The following ANK3 variants were observed in gnomAD, a reference collection of about 807,000 sequenced individuals.
The protein encoded by ANK3 is ankyrin-3.
Under a neutral mutation model 370.9 loss-of-function variants are expected in ANK3, and 57 were observed. That is an observed-to-expected ratio of 0.15 (90% CI 0.12 to 0.19). ANK3 has a LOEUF of 0.19. ANK3 is among the 10% of genes least tolerant of loss of function. The pLI is 1.00. For synonymous variants in ANK3, 1,929 were observed against 1,946.3 expected (o/e 0.99, Z 0.23); for missense variants, 4,439 against 5,302.1 (o/e 0.84, Z 5.06).
intron 2 of ANK3, chr10:60,572,728 C>G (rs1233752539): frequency 5.8e-6 from 8 of 1,369,274 alleles, no homozygotes; most frequent in Non-Finnish European, 7.5e-6. Context: ...CAGCTTTCCT[C>G]AGGAAGAAAC....
intron 1 of ANK3, among the ~76,000 whole-genome samples, chr10:60,647,352 G>A (rs933713137): frequency 6.6e-6 from 1 of 152,028 alleles, no homozygotes. Context: ...GCCAAATTGC[G>A]GCTGCAATAC....
chr10:60,262,606 C>A (rs559172590), intron 6 of ANK3, among the ~76,000 whole-genome samples: 3 of 152,284 alleles, frequency 2.0e-5, no homozygotes, highest in South Asian at 2.1e-4. Context: ...AAGATTGAAA[C>A]CTTATAGGAA....
intron 2 of ANK3, among the ~76,000 whole-genome samples, chr10:60,401,414 T>C (rs1188796321): frequency 6.6e-6 from 1 of 152,142 alleles, no homozygotes. Flanking sequence ...AAAATAAAAT[T>C]TTAAAACTGC....
At chr10:60,545,547 G>T (rs140628127) in intron 2 of ANK3, among the ~76,000 whole-genome samples, 25 of 151,590 alleles carry the variant, frequency 1.6e-4, no homozygotes, top group African/African-American at 5.8e-4. Flanking sequence ...AATTCTAGAA[G>T]CCTTCAAGCC....
At chr10:60,675,271 A>ATTT (rs748320247) in intron 1 of ANK3, among the ~76,000 whole-genome samples, 45 of 152,222 alleles carry the variant, frequency 3.0e-4, no homozygotes, top group Non-Finnish European at 5.4e-4. Context: ...TAGCCTACAT[A>ATTT]TTTATCCTAT....
At position 60,679,294 on chromosome 10, in the gene ANK3, C is replaced by T. The variant is rs143037572; in HGVS notation, c.57+53969G>A. Among the ~76,000 whole-genome samples, 266 of 152,206 alleles carry T rather than the reference C, an allele frequency of 1.7e-3. 1 individual carries two copies. The highest frequency in any genetic ancestry group is 6.2e-3 in the African/African-American group (258 of 41,504). On this transcript the variant is annotated intron_variant, in intron 1 of 43. Transcript: ENST00000373827. ...ACATAAGCAGGGCAGGAGAGGGCCC[C>T]CCTCCCACCAGGAATGTCAGGCAAC...
chr10:60,095,280 A>G (rs143324619), intron 28 of ANK3, among the ~76,000 whole-genome samples: 1 of 152,372 alleles, frequency 6.6e-6, no homozygotes, highest in African/African-American at 2.4e-5. Flanking sequence ...CTGGGAATCA[A>G]TGAGACTCAG....
intron 31 of ANK3, 105 bp from the exon 32 acceptor site, chr10:60,084,935 A>C: frequency 1.1e-6 from 1 of 877,812 alleles, no homozygotes; most frequent in Non-Finnish European, 1.7e-6. Flanking sequence ...GAACTAACCC[A>C]AAACGTTATT....
At chr10:60,313,928 G>GTTTTTTTTTTTTTTTTTTTTTTTGT (rs760802914) in intron 1 of ANK3, among the ~76,000 whole-genome samples, 1 of 132,124 alleles carries the variant, frequency 7.6e-6, no homozygotes, top group Non-Finnish European at 1.6e-5. Flanking sequence ...TTTTGTTTTT[G>GTTTTTTTTTTTTTTTTTTTTTTTGT]TTTTTTTTTT....
chr10:60,362,967 T>C (rs935518792), intron 1 of ANK3, among the ~76,000 whole-genome samples: 3 of 152,016 alleles, frequency 2.0e-5, no homozygotes, highest in Non-Finnish European at 4.4e-5. Context: ...AGATGACTTG[T>C]TCTCTGTTCA....
At chr10:60,187,134 A>ATTTCTTTTATTTTAT (rs373365875) in intron 16 of ANK3, among the ~76,000 whole-genome samples, 12 of 144,738 alleles carry the variant, frequency 8.3e-5, no homozygotes, top group African/African-American at 3.1e-4. Context: ...TGGACATTTT[A>ATTTCTTTTATTTTAT]TTTATTTTAT....
At chr10:60,564,063 C>A (rs913239893) in intron 2 of ANK3, among the ~76,000 whole-genome samples, 12 of 152,068 alleles carry the variant, frequency 7.9e-5, no homozygotes, top group African/African-American at 2.7e-4. Context: ...CAAAAAAAAT[C>A]ATTTCAAATT....
chr10:60,667,462 TA>T (rs971961279), intron 1 of ANK3, among the ~76,000 whole-genome samples: 4 of 152,120 alleles, frequency 2.6e-5, no homozygotes, highest in Admixed American at 6.5e-5. Flanking sequence ...CAATGATTCT[TA>T]CCACTGTTTG....
chr10:60,150,613 C>G (rs999583462), intron 23 of ANK3, among the ~76,000 whole-genome samples: 1 of 152,002 alleles, frequency 6.6e-6, no homozygotes, highest in African/African-American at 2.4e-5. Context: ...TGGCTGGATG[C>G]CCTCCTTGTT....
At chr10:60,296,669 C>T (rs2042589648) in intron 1 of ANK3, among the ~76,000 whole-genome samples, 1 of 152,052 alleles carries the variant, frequency 6.6e-6, no homozygotes, top group African/African-American at 2.4e-5. Flanking sequence ...AAATAATGAG[C>T]AAGTCACAGT....
rs2097268438 is a variant in ANK3, at chr10:60,232,909, T to A, written c.897+1779A>T. Among the ~76,000 whole-genome samples the A allele has an allele frequency of 3.3e-5, 5 of 152,158 alleles. 1 individual carries two copies. The South Asian group carries it at 1.0e-3, about 32-fold the overall frequency. On this transcript the variant is annotated intron_variant, in intron 8 of 43. Transcript: ENST00000280772. Reference sequence around the variant, plus strand: ...GTAGTAAATCAAAGCACTACAGAAATTAAGCTGAGGTTACCAGGCCAGTTT... The same window carrying A: ...GTAGTAAATCAAAGCACTACAGAAAATAAGCTGAGGTTACCAGGCCAGTTT...
intron 1 of ANK3, among the ~76,000 whole-genome samples, chr10:60,306,441 ATATATATATATATC>A (rs76241450): frequency 0.19 from 17,220 of 88,364 alleles, 1,358 homozygotes; most frequent in South Asian, 0.37. Context: ...ATATATATAT[ATATATATATATATC>A]TATCTTTATC....
At chr10:60,049,682 A>AAATATGTT (rs1375333112) in intron 42 of ANK3, among the ~76,000 whole-genome samples, 1 of 152,220 alleles carries the variant, frequency 6.6e-6, no homozygotes, top group Non-Finnish European at 1.5e-5. Context: ...AGTTCTTAAT[A>AAATATGTT]AATATGTTAA....
chr10:60,244,613 G>GA (rs532021262), intron 7 of ANK3, among the ~76,000 whole-genome samples: 120 of 152,220 alleles, frequency 7.9e-4, no homozygotes, highest in African/African-American at 2.8e-3. Flanking sequence ...TACATTTTAA[G>GA]ATTTTTATGT....
Sources: gnomAD v4.1 joint callset for allele counts (sites outside exome capture counted in the v4.1 genomes callset) on GRCh38, gnomAD v4.1.1 for gene constraint, MANE v1.5 for transcripts, NCBI Gene and HGNC (gene_info 2026-07-23, HGNC 2026-07-21) for gene names.